Variants in SVIL observed in about 807,000 individuals in gnomAD.
The protein encoded by SVIL is supervillin.
SVIL carries 101 observed loss-of-function variants against 240.4 expected under a neutral mutation model. The observed-to-expected ratio is 0.42, with a 90% confidence interval of 0.36 to 0.50. SVIL has a LOEUF of 0.50. SVIL is among the 20% of genes least tolerant of loss of function. The pLI is 0.01. For missense variants in SVIL, 2,512 were observed against 2,818.7 expected (o/e 0.89, Z 2.46); for synonymous variants, 999 against 1,100.0 (o/e 0.91, Z 1.82).
intron 1 of SVIL, among the ~76,000 whole-genome samples, chr10:29,607,540 C>G (rs1957072035): frequency 6.6e-6 from 1 of 151,782 alleles, no homozygotes; most frequent in Non-Finnish European, 1.5e-5. Flanking sequence ...TTAGGAGTGC[C>G]TTCCAGTTGT....
chr10:29,529,407 C>T (rs912589161), intron 12 of SVIL, among the ~76,000 whole-genome samples: 1 of 151,932 alleles, frequency 6.6e-6, no homozygotes, highest in Non-Finnish European at 1.5e-5. Context: ...GGTTTCATCA[C>T]AGCAATCCAC....
At chr10:29,582,936 G>A (rs958430936) in intron 1 of SVIL, among the ~76,000 whole-genome samples, 10 of 152,072 alleles carry the variant, frequency 6.6e-5, no homozygotes, top group South Asian at 2.1e-4. Context: ...CAGGGAGAGC[G>A]GAGAAGGCTC....
intron 2 of SVIL, among the ~76,000 whole-genome samples, chr10:29,662,913 C>T (rs1322591138): frequency 1.3e-5 from 2 of 152,134 alleles, no homozygotes; most frequent in Admixed American, 1.3e-4. Flanking sequence ...AAGTTTGAGA[C>T]CCACCTGGGC....
chr10:29,729,486 T>TGTGC (rs1964482965), intron 1 of SVIL, among the ~76,000 whole-genome samples: 1 of 146,308 alleles, frequency 6.8e-6, no homozygotes, highest in Non-Finnish European at 1.5e-5. Context: ...TGTGTGTGTG[T>TGTGC]GTGTGTGTGT....
chr10:29,471,089 C>T, intron 31 of SVIL, 49 bp downstream of exon 31: 2 of 1,534,024 alleles, frequency 1.3e-6, no homozygotes, highest in Non-Finnish European at 1.8e-6. Flanking sequence ...AAAATTCTTT[C>T]CAAGAGAGGG....
At chr10:29,555,190 G>T (rs749717362) in intron 3 of SVIL, 82 bp from the exon 4 acceptor site, 1 of 1,314,248 alleles carries the variant, frequency 7.6e-7, no homozygotes, top group Non-Finnish European at 1.0e-6. Context: ...CGTGTTTATT[G>T]AACTGCAAAT....
chr10:29,713,322 C>A (rs1475271439), intron 1 of SVIL, among the ~76,000 whole-genome samples: 1 of 151,388 alleles, frequency 6.6e-6, no homozygotes, highest in Non-Finnish European at 1.5e-5. Context: ...ACAGAGGCAA[C>A]CCAAAGCACA....
chr10:29,569,796 C>T (rs536297151), intron 1 of SVIL, among the ~76,000 whole-genome samples: 23 of 152,232 alleles, frequency 1.5e-4, no homozygotes, highest in African/African-American at 5.3e-4. Flanking sequence ...CTTTTGCTCT[C>T]ATTAAAATCT....
At chr10:29,543,935 G>T (rs1952395732) in intron 6 of SVIL, among the ~76,000 whole-genome samples, 1 of 152,176 alleles carries the variant, frequency 6.6e-6, no homozygotes, top group Non-Finnish European at 1.5e-5. Context: ...GTGACTTTAG[G>T]TGTGTGTATC....
chr10:29,572,763 C>CAA (rs375180538), intron 1 of SVIL, among the ~76,000 whole-genome samples: 4,268 of 81,256 alleles, frequency 0.053, 421 homozygotes, highest in African/African-American at 0.18. Flanking sequence ...GATCCTATCT[C>CAA]AAAAAAAAAA....
chr10:29,462,245 G>A, intron 36 of SVIL, 32 bp downstream of exon 36: 1 of 1,608,098 alleles, frequency 6.2e-7, no homozygotes, highest in Non-Finnish European at 8.5e-7. Context: ...AGGCGCAGGA[G>A]CCACCTTCAT....
intron 1 of SVIL, among the ~76,000 whole-genome samples, chr10:29,709,772 G>C (rs1963149276): frequency 6.6e-6 from 1 of 152,170 alleles, no homozygotes; most frequent in Non-Finnish European, 1.5e-5. Context: ...CCTGTGAGCA[G>C]GTATCCAGTG....
chr10:29,656,467 TA>T (rs892900925), intron 3 of SVIL, among the ~76,000 whole-genome samples: 1 of 151,198 alleles, frequency 6.6e-6, no homozygotes, highest in Admixed American at 6.6e-5. Context: ...CTTTTTTTTT[TA>T]AAAAAAAGAA....
intron 1 of SVIL, among the ~76,000 whole-genome samples, chr10:29,582,830 A>G (rs1421056347): frequency 3.3e-5 from 5 of 152,108 alleles, no homozygotes; most frequent in Admixed American, 6.6e-5. Flanking sequence ...AAGGTGCAGC[A>G]TGCCACACCT....
At chr10:29,667,157 T>C (rs1381613078) in intron 2 of SVIL, among the ~76,000 whole-genome samples, 1 of 152,078 alleles carries the variant, frequency 6.6e-6, no homozygotes, top group Non-Finnish European at 1.5e-5. Flanking sequence ...CAAGAAAAAG[T>C]GAAAACTTAT....
intron 21 of SVIL, among the ~76,000 whole-genome samples, chr10:29,491,444 C>T (rs1947948103): frequency 6.6e-6 from 1 of 152,178 alleles, no homozygotes; most frequent in Non-Finnish European, 1.5e-5. Context: ...GCACGGGCTC[C>T]TTGACGTAAT....
chr10:29,675,946 C>T (rs1564753762), intron 2 of SVIL, among the ~76,000 whole-genome samples: 8 of 152,086 alleles, frequency 5.3e-5, no homozygotes, highest in Admixed American at 3.3e-4. Context: ...GGAAACCAAC[C>T]ATCAGTCCTC....
At position 29,585,087 on chromosome 10, in the gene SVIL, T is replaced by A. The variant is rs549354283; in HGVS notation, c.-200-15775A>T. On this transcript the variant is annotated intron_variant, in intron 1 of 37. Transcript: ENST00000355867. ...CAGCTAATATTTTTATTCTTCTTCC[T>A]TTTTTTTTTTTTTGAGACAGGTTCT... Among the ~76,000 whole-genome samples, 7 of 138,242 alleles carry A rather than the reference T, an allele frequency of 5.1e-5. No homozygotes were observed. The South Asian group carries it at 1.6e-3, about 32-fold the overall frequency. 90.7% of individuals were successfully genotyped at this position (138,242 alleles called of 152,430 possible). A position where few individuals can be genotyped will look rare whatever the true frequency, so the allele number is the denominator to read the frequency against.
At chr10:29,471,305 A>G in intron 30 of SVIL, 62 bp from the exon 31 acceptor site, 1 of 1,272,616 alleles carries the variant, frequency 7.9e-7, no homozygotes, top group East Asian at 2.5e-5. Flanking sequence ...CCTAAAAACA[A>G]TACATGCCTC....
Sources: gnomAD v4.1 joint callset for allele counts (sites outside exome capture counted in the v4.1 genomes callset) on GRCh38, gnomAD v4.1.1 for gene constraint, MANE v1.5 for transcripts, NCBI Gene and HGNC (gene_info 2026-07-23, HGNC 2026-07-21) for gene names.